The following ARHGAP15 variants were observed in gnomAD, a reference collection of about 807,000 sequenced individuals.
The protein encoded by ARHGAP15 is rho GTPase-activating protein 15.
In ARHGAP15, 51 loss-of-function variants were observed where a neutral mutation model predicts 63.7. That is an observed-to-expected ratio of 0.80 (90% CI 0.64 to 1.01). The LOEUF is 1.01. Ranked by LOEUF, ARHGAP15 falls within the 50% of genes least tolerant of loss-of-function variation. The pLI, the probability that ARHGAP15 is intolerant of heterozygous loss-of-function variation, is 0.00. For missense variants in ARHGAP15, 560 were observed against 564.6 expected (o/e 0.99, Z 0.08); for synonymous variants, 191 against 193.8 (o/e 0.99, Z 0.12).
chr2:143,624,822 A>T (rs1017999762), intron 12 of ARHGAP15, among the ~76,000 whole-genome samples: 1 of 152,174 alleles, frequency 6.6e-6, no homozygotes, highest in African/African-American at 2.4e-5. Context: ...CTTCTGTTAA[A>T]CTGGTGACTT....
intron 6 of ARHGAP15, among the ~76,000 whole-genome samples, chr2:143,329,573 C>G (rs569091348): frequency 1.3e-5 from 2 of 152,206 alleles, no homozygotes; most frequent in South Asian, 4.2e-4. Context: ...AAAGAGAGGA[C>G]CCAGCTCATC....
rs544370780 is a variant in ARHGAP15, at chr2:143,725,223, T to C, written c.1244+21699T>C. On this transcript the variant is annotated intron_variant, in intron 13 of 13. Coordinates refer to ENST00000295095, the MANE Select transcript of ARHGAP15 (RefSeq NM_018460.4). ...AGAAAATTGCACATAAAACCTTTTT[T>C]CATAGCCTGTTTCTTAAGGACACAG... 1.6e-4 allele frequency among the ~76,000 whole-genome samples: 25 copies of C among 152,350 alleles called. No individual in the cohort carries two copies. The South Asian group carries it at 5.0e-3, about 30-fold the overall frequency.
At chr2:143,677,011 A>C (rs548144543) in intron 12 of ARHGAP15, among the ~76,000 whole-genome samples, 1 of 152,348 alleles carries the variant, frequency 6.6e-6, no homozygotes, top group Non-Finnish European at 1.5e-5. Flanking sequence ...TCTGATTACC[A>C]CCTCAATTTT....
chr2:143,334,932 A>G (rs569681816), intron 6 of ARHGAP15, among the ~76,000 whole-genome samples: 1 of 152,334 alleles, frequency 6.6e-6, no homozygotes, highest in East Asian at 1.9e-4. Flanking sequence ...CTATGCACAT[A>G]CTACTGTAAG....
At chr2:143,313,356 T>G (rs1683536268) in intron 6 of ARHGAP15, among the ~76,000 whole-genome samples, 1 of 152,314 alleles carries the variant, frequency 6.6e-6, no homozygotes, top group Admixed American at 6.5e-5. Flanking sequence ...AATACCCGCT[T>G]CTTATAACTC....
At chr2:143,219,699 G>A (rs1574107844) in intron 4 of ARHGAP15, among the ~76,000 whole-genome samples, 1 of 152,278 alleles carries the variant, frequency 6.6e-6, no homozygotes, top group East Asian at 1.9e-4. Context: ...ATACAGAAGG[G>A]ATTCTACTTT....
chr2:143,721,710 G>A (rs886761476), intron 13 of ARHGAP15, among the ~76,000 whole-genome samples: 1 of 151,092 alleles, frequency 6.6e-6, no homozygotes, highest in Non-Finnish European at 1.5e-5. Context: ...TTTTGGAAAC[G>A]GAGTCTTGCT....
chr2:143,343,149 G>A (rs139588852), intron 6 of ARHGAP15, among the ~76,000 whole-genome samples: 126 of 152,184 alleles, frequency 8.3e-4, no homozygotes, highest in African/African-American at 2.5e-3. Context: ...GTGATAGCAC[G>A]AATGATAAAC....
chr2:143,751,389 G>C (rs1686367491), intron 13 of ARHGAP15, among the ~76,000 whole-genome samples: 3 of 152,166 alleles, frequency 2.0e-5, no homozygotes, highest in Admixed American at 1.3e-4. Context: ...TGGAAACTGG[G>C]CAACAAGTCT....
chr2:143,550,668 C>A (rs186322572), intron 10 of ARHGAP15, among the ~76,000 whole-genome samples: 4 of 152,318 alleles, frequency 2.6e-5, no homozygotes, highest in Admixed American at 1.3e-4. Flanking sequence ...TGTTGGGCAG[C>A]ACTTAATCTG....
intron 9 of ARHGAP15, among the ~76,000 whole-genome samples, chr2:143,515,411 C>T (rs1693770860): frequency 6.6e-6 from 1 of 152,170 alleles, no homozygotes; most frequent in South Asian, 2.1e-4. Flanking sequence ...TCAGAAGTGT[C>T]ATCAGGGTCT....
chr2:143,563,336 T>C (rs1044745153), intron 11 of ARHGAP15, among the ~76,000 whole-genome samples: 1 of 152,180 alleles, frequency 6.6e-6, no homozygotes, highest in African/African-American at 2.4e-5. Flanking sequence ...CAAATATGGT[T>C]TTTGCCTTCT....
intron 2 of ARHGAP15, among the ~76,000 whole-genome samples, chr2:143,169,227 G>C (rs1422280854): frequency 6.6e-6 from 1 of 152,008 alleles, no homozygotes; most frequent in African/African-American, 2.4e-5. Context: ...GGCATCTGGG[G>C]CTGGTTCCCC....
chr2:143,156,549 T>G (rs888043667), intron 2 of ARHGAP15, among the ~76,000 whole-genome samples: 2 of 151,914 alleles, frequency 1.3e-5, no homozygotes, highest in African/African-American at 4.8e-5. Flanking sequence ...TATGAAATAT[T>G]CAGCTTCCTA....
intron 11 of ARHGAP15, among the ~76,000 whole-genome samples, chr2:143,596,326 G>A (rs527311641): frequency 6.6e-6 from 1 of 152,148 alleles, no homozygotes; most frequent in African/African-American, 2.4e-5. Context: ...CAAGCAAAAG[G>A]TTGTATTTTT....
chr2:143,748,225 C>G (rs1391818681), intron 13 of ARHGAP15, among the ~76,000 whole-genome samples: 2 of 152,114 alleles, frequency 1.3e-5, no homozygotes, highest in Non-Finnish European at 2.9e-5. Flanking sequence ...GCCTTTTTCT[C>G]TCTTCTTTGG....
intron 6 of ARHGAP15, among the ~76,000 whole-genome samples, chr2:143,263,870 A>G (rs140228198): frequency 1.6e-5 from 2 of 126,530 alleles, no homozygotes; most frequent in African/African-American, 3.0e-5. Context: ...CCACAGTCCT[A>G]TAAGATGACT....
chr2:143,669,299 C>A (rs1034481300), intron 12 of ARHGAP15, among the ~76,000 whole-genome samples: 2 of 152,164 alleles, frequency 1.3e-5, no homozygotes, highest in Admixed American at 6.5e-5. Flanking sequence ...AGCTTCCTTA[C>A]CCACTGTACT....
intron 6 of ARHGAP15, among the ~76,000 whole-genome samples, chr2:143,386,109 T>C (rs1687276597): frequency 6.6e-6 from 1 of 152,128 alleles, no homozygotes; most frequent in Non-Finnish European, 1.5e-5. Context: ...TAATTCACAT[T>C]ATCAATAGAG....
Sources: allele counts gnomAD v4.1 joint callset (sites outside exome capture counted in the v4.1 genomes callset), GRCh38; gene constraint gnomAD v4.1.1; transcripts MANE v1.5; gene names NCBI Gene and HGNC (gene_info 2026-07-23, HGNC 2026-07-21).